The following AKT3 variants were observed in gnomAD, a reference collection of about 807,000 sequenced individuals.
AKT3 encodes the protein AKT serine/threonine kinase 3.
In AKT3, 15 loss-of-function variants were observed where a neutral mutation model predicts 65.3. The observed-to-expected ratio is 0.23, with a 90% CI of 0.15 to 0.35. AKT3 has a LOEUF of 0.35. Among genes scored for constraint, AKT3 ranks in the 10% least tolerant of loss-of-function variants. The pLI is 1.00. For missense variants in AKT3, 243 were observed against 576.5 expected, an observed-to-expected ratio of 0.42 and a Z score of 5.92; for synonymous variants, 206 against 183.8, an observed-to-expected ratio of 1.12 and a Z score of -0.98.
At chr1:243,727,038 C>T (rs1269289033) in intron 2 of AKT3, among the ~76,000 whole-genome samples, 3 of 152,148 alleles carry the variant, frequency 2.0e-5, no homozygotes, top group African/African-American at 7.2e-5. Flanking sequence ...TCAACAGATT[C>T]CTTCCATACC....
At chr1:243,641,612 A>C (rs1348175150) in intron 5 of AKT3, among the ~76,000 whole-genome samples, 6 of 152,126 alleles carry the variant, frequency 3.9e-5, no homozygotes, top group African/African-American at 1.4e-4. Flanking sequence ...ATTTAATTAT[A>C]AAATATTACT....
chr1:243,754,954 T>C (rs929477405), intron 2 of AKT3, among the ~76,000 whole-genome samples: 2 of 152,234 alleles, frequency 1.3e-5, no homozygotes, highest in Non-Finnish European at 2.9e-5. Context: ...AACCATTCCA[T>C]GAAGTCAAGA....
chr1:243,612,186 G>A (rs889008248), intron 8 of AKT3, among the ~76,000 whole-genome samples: 1 of 151,884 alleles, frequency 6.6e-6, no homozygotes, highest in Non-Finnish European at 1.5e-5. Context: ...ATGGCTCACT[G>A]CAGCCTTGAC....
chr1:243,780,012 G>C (rs1266340055), intron 2 of AKT3, among the ~76,000 whole-genome samples: 1 of 152,018 alleles, frequency 6.6e-6, no homozygotes, highest in Non-Finnish European at 1.5e-5. Flanking sequence ...AATGAAAAAG[G>C]AATGTCAGAA....
At chr1:243,685,451 CTTGT>C (rs1265559921) in intron 3 of AKT3, among the ~76,000 whole-genome samples, 1 of 152,114 alleles carries the variant, frequency 6.6e-6, no homozygotes, top group African/African-American at 2.4e-5. Flanking sequence ...TTCCCCATTG[CTTGT>C]TTTTGTCAGG....
intron 11 of AKT3, among the ~76,000 whole-genome samples, 164 bp downstream of exon 11, chr1:243,552,565 T>A (rs574938820): frequency 6.6e-6 from 1 of 152,264 alleles, no homozygotes; most frequent in South Asian, 2.1e-4. Flanking sequence ...GAAAAATTTT[T>A]AAATGTTCTA....
intron 13 of AKT3, chr1:243,488,479 G>C (rs1390471199): frequency 5.4e-6 from 1 of 184,246 alleles, no homozygotes; most frequent in East Asian, 1.4e-4. Context: ...AATGGTCTGA[G>C]TGAATTAGCA....
chr1:243,822,313 C>A (rs1341922458), intron 2 of AKT3, among the ~76,000 whole-genome samples: 1 of 152,030 alleles, frequency 6.6e-6, no homozygotes, highest in Non-Finnish European at 1.5e-5. Flanking sequence ...TAAATGACCA[C>A]ATCAAAATAC....
At chr1:243,492,832 C>A (rs1018368735) in intron 13 of AKT3, among the ~76,000 whole-genome samples, 1 of 152,016 alleles carries the variant, frequency 6.6e-6, no homozygotes, top group Non-Finnish European at 1.5e-5. Context: ...GTCTCGAACT[C>A]CTGACCTCAG....
chr1:243,489,156 C>T (rs754718499), intron 13 of AKT3: 9 of 1,610,710 alleles, frequency 5.6e-6, no homozygotes, highest in African/African-American at 2.7e-5. Flanking sequence ...GTGCAGAACG[C>T]GGCGCAGGTG....
chr1:243,828,669 A>G (rs1005064235), intron 2 of AKT3, among the ~76,000 whole-genome samples: 13 of 152,210 alleles, frequency 8.5e-5, no homozygotes, highest in Non-Finnish European at 1.6e-4. Context: ...TTGTAAAAAT[A>G]CAGTACATTA....
chr1:243,810,438 A>C (rs192593437), intron 2 of AKT3, among the ~76,000 whole-genome samples: 52 of 152,198 alleles, frequency 3.4e-4, no homozygotes, highest in African/African-American at 7.5e-4. Context: ...GAAACGGATA[A>C]ATTCCTCGAC....
At position 243,549,920 on chromosome 1, in the gene AKT3, CTAATA is replaced by C. The variant is rs1177447058; in HGVS notation, c.1163+2804_1163+2808del. Reference sequence around the variant, plus strand: ...CTAAGAAACCTAAGATCCTTATAATCTAATATATCAGCTTCATTTCCCAGTGTTAC... The same window carrying C: ...CTAAGAAACCTAAGATCCTTATAATCTATCAGCTTCATTTCCCAGTGTTAC... On this transcript the variant is annotated intron_variant, in intron 11 of 13. Transcript: ENST00000673466. 9.2e-5 allele frequency among the ~76,000 whole-genome samples: 14 copies of C among 152,300 alleles called. No individual in the cohort carries two copies. In the South Asian group the frequency reaches 2.5e-3, roughly 27 times the overall value.
intron 11 of AKT3, among the ~76,000 whole-genome samples, chr1:243,550,614 C>T (rs1672979725): frequency 6.6e-6 from 1 of 151,572 alleles, no homozygotes; most frequent in Non-Finnish European, 1.5e-5. Flanking sequence ...TATTCACTGC[C>T]TCGAATACCA....
intron 2 of AKT3, among the ~76,000 whole-genome samples, chr1:243,748,548 A>C (rs1688615568): frequency 1.3e-5 from 2 of 152,220 alleles, no homozygotes; most frequent in Non-Finnish European, 2.9e-5. Context: ...AGATAAGTAA[A>C]TAAAACAATA....
At chr1:243,596,497 T>C (rs779323003) in intron 8 of AKT3, among the ~76,000 whole-genome samples, 4 of 152,176 alleles carry the variant, frequency 2.6e-5, no homozygotes, top group Non-Finnish European at 4.4e-5. Flanking sequence ...TTTCCTATCA[T>C]TAGTCATAAG....
chr1:243,623,601 T>C (rs908572981), intron 6 of AKT3, among the ~76,000 whole-genome samples: 1 of 152,114 alleles, frequency 6.6e-6, no homozygotes, highest in African/African-American at 2.4e-5. Flanking sequence ...ACATCAGAAC[T>C]CTAGGCTCTC....
At chr1:243,785,202 G>A (rs527667107) in intron 2 of AKT3, among the ~76,000 whole-genome samples, 1 of 151,730 alleles carries the variant, frequency 6.6e-6, no homozygotes, top group African/African-American at 2.4e-5. Context: ...GTGAGTAGCT[G>A]GGACTACAGG....
intron 2 of AKT3, among the ~76,000 whole-genome samples, chr1:243,717,445 T>C (rs1287852758): frequency 6.6e-6 from 1 of 152,198 alleles, no homozygotes; most frequent in East Asian, 1.9e-4. Context: ...AAATTTAGTT[T>C]ATCATTTTAA....
Sources: gnomAD v4.1 joint callset for allele counts (sites outside exome capture counted in the v4.1 genomes callset) on GRCh38, gnomAD v4.1.1 for gene constraint, MANE v1.5 for transcripts, NCBI Gene and HGNC (gene_info 2026-07-23, HGNC 2026-07-21) for gene names.